The following FSTL4 variants were observed in gnomAD, a reference collection of about 807,000 sequenced individuals.
FSTL4 encodes follistatin-related protein 4.
A neutral mutation model predicts 78.2 loss-of-function variants in FSTL4; 28 were observed. The observed-to-expected ratio is 0.36, with a 90% CI of 0.27 to 0.49. The LOEUF is 0.49. Among genes scored for constraint, FSTL4 ranks in the 20% least tolerant of loss-of-function variants. The pLI is 0.98. For synonymous variants in FSTL4, 422 were observed against 440.5 expected (o/e 0.96, Z 0.53); for missense variants, 922 against 1,084.9 (o/e 0.85, Z 2.11).
chr5:133,512,946 T>C (rs990861772), intron 3 of FSTL4, among the ~76,000 whole-genome samples: 1 of 152,136 alleles, frequency 6.6e-6, no homozygotes, highest in Non-Finnish European at 1.5e-5. Context: ...GCCTCTTGAG[T>C]AGCTGGGACT....
chr5:133,833,423 T>G, the FSTL4 span, among the ~76,000 whole-genome samples: 2 of 152,240 alleles, frequency 1.3e-5, no homozygotes, highest in Non-Finnish European at 2.9e-5. Context: ...ATAAAGAATA[T>G]TAATCTGTTC....
Position 133,611,499 on chromosome 5 carries a change from C to T in FSTL4, c.-11+826G>A, listed in dbSNP as rs1163248532. Reference sequence around the variant, plus strand: ...TCCAGGTCCCTCCTGAAACTCAGAACTCGTCTTTGTTTTGCGGGCGCAAAG... The same window carrying T: ...TCCAGGTCCCTCCTGAAACTCAGAATTCGTCTTTGTTTTGCGGGCGCAAAG... On this transcript the variant is annotated intron_variant, in intron 1 of 15. Coordinates refer to ENST00000265342, the MANE Select transcript of FSTL4 (RefSeq NM_015082.2). This position sits in a 1 kb window ranked among gnomAD's most constrained non-coding sequence, Gnocchi z 4.9. 6.6e-6 allele frequency among the ~76,000 whole-genome samples: 1 copy of T among 152,230 alleles called. No individual in the cohort carries two copies. The highest frequency in any genetic ancestry group is 1.5e-5 in the Non-Finnish European group (1 of 68,046).
chr5:133,499,146 A>G (rs1758434720), intron 3 of FSTL4, among the ~76,000 whole-genome samples: 1 of 152,166 alleles, frequency 6.6e-6, no homozygotes, highest in African/African-American at 2.4e-5. Flanking sequence ...CTGAGTGAAT[A>G]ACAATTCTTC....
chr5:133,468,092 T>C (rs1757750356), intron 3 of FSTL4, among the ~76,000 whole-genome samples: 1 of 152,180 alleles, frequency 6.6e-6, no homozygotes, highest in Admixed American at 6.5e-5. Flanking sequence ...AGGCACCAGG[T>C]GACTTACTTG....
chr5:133,360,077 C>A (rs924951833), intron 4 of FSTL4, among the ~76,000 whole-genome samples: 3 of 152,232 alleles, frequency 2.0e-5, no homozygotes, highest in Admixed American at 6.5e-5. Context: ...AACAGTGGAC[C>A]CTCAGCGTGG....
the FSTL4 span, among the ~76,000 whole-genome samples, chr5:133,795,012 C>T: frequency 1.3e-5 from 2 of 152,286 alleles, no homozygotes; most frequent in South Asian, 4.1e-4. Context: ...AAAAGGTTTT[C>T]ATAACCAGAA....
At chr5:133,326,701 C>T (rs945057534) in intron 4 of FSTL4, among the ~76,000 whole-genome samples, 3 of 152,230 alleles carry the variant, frequency 2.0e-5, no homozygotes, top group Admixed American at 2.0e-4. Context: ...TCCATCCATT[C>T]CAAACCACAC....
At chr5:133,321,959 T>C (rs1274123706) in intron 4 of FSTL4, among the ~76,000 whole-genome samples, 2 of 152,234 alleles carry the variant, frequency 1.3e-5, no homozygotes, top group Admixed American at 6.5e-5. Flanking sequence ...GTCATTTCAG[T>C]GTTTTCTCTG....
the FSTL4 span, among the ~76,000 whole-genome samples, chr5:133,673,280 G>C: frequency 2.6e-5 from 4 of 152,208 alleles, no homozygotes; most frequent in African/African-American, 9.7e-5. Flanking sequence ...TACAGGGCTT[G>C]CTGTGAGTAC....
chr5:133,537,530 T>C (rs1251532798), intron 3 of FSTL4, among the ~76,000 whole-genome samples: 1 of 152,214 alleles, frequency 6.6e-6, no homozygotes, highest in Non-Finnish European at 1.5e-5. Flanking sequence ...CCATATCATT[T>C]GTGAATAATC....
At position 133,440,696 on chromosome 5, in the gene FSTL4, A is replaced by G. The variant is rs577600491; in HGVS notation, c.161-39710T>C. Reference sequence around the variant, plus strand: ...CTGAGAGGCCTGGGAATGTCCAAGCAGGGGGAAGAGAAGACAGTGGAGACT... The same window carrying G: ...CTGAGAGGCCTGGGAATGTCCAAGCGGGGGGAAGAGAAGACAGTGGAGACT... On this transcript the variant is annotated intron_variant, in intron 3 of 15. Coordinates refer to ENST00000265342, the MANE Select transcript of FSTL4 (RefSeq NM_015082.2). The surrounding 1 kb of genome is among the most constrained non-coding windows in gnomAD (Gnocchi z 4.1). 6.6e-6 allele frequency among the ~76,000 whole-genome samples: 1 copy of G among 152,282 alleles called. No individual in the cohort carries two copies. Among genetic ancestry groups the G allele is most frequent in the East Asian group, 1.9e-4 (1 of 5,168 alleles).
chr5:133,355,269 A>G (rs1754916493), intron 4 of FSTL4, among the ~76,000 whole-genome samples: 1 of 152,198 alleles, frequency 6.6e-6, no homozygotes, highest in Admixed American at 6.5e-5. Flanking sequence ...AACAAATAAC[A>G]CTTAGCATGA....
chr5:133,510,215 C>A (rs1020116205), intron 3 of FSTL4, among the ~76,000 whole-genome samples: 1 of 152,156 alleles, frequency 6.6e-6, no homozygotes, highest in East Asian at 1.9e-4. Flanking sequence ...GACAATGGAA[C>A]CTCGTTGCCT....
At chr5:133,537,665 C>T (rs978582100) in intron 3 of FSTL4, among the ~76,000 whole-genome samples, 5 of 151,914 alleles carry the variant, frequency 3.3e-5, no homozygotes, top group African/African-American at 1.2e-4. Context: ...TCATCCTGCT[C>T]ATGTTTATTT....
the FSTL4 span, among the ~76,000 whole-genome samples, chr5:133,769,137 C>T: frequency 6.6e-5 from 10 of 152,326 alleles, no homozygotes; most frequent in African/African-American, 1.2e-4. Context: ...CTTCTTGATT[C>T]GCCCAGGTAC....
intron 3 of FSTL4, among the ~76,000 whole-genome samples, chr5:133,492,550 T>C (rs1405251857): frequency 1.3e-5 from 2 of 152,212 alleles, no homozygotes; most frequent in African/African-American, 4.8e-5. Context: ...CTGGCTTCCA[T>C]TGTTGCTAAT....
the FSTL4 span, among the ~76,000 whole-genome samples, chr5:133,749,981 C>T: frequency 0.018 from 2,723 of 152,286 alleles, 52 homozygotes; most frequent in Middle Eastern, 0.11. Flanking sequence ...CAGAGGGGAA[C>T]AGGCCACAGA....
chr5:133,671,333 T>A, the FSTL4 span, among the ~76,000 whole-genome samples: 1 of 152,208 alleles, frequency 6.6e-6, no homozygotes. Context: ...TATGGTTTGC[T>A]ACACAGCACT....
the FSTL4 span, among the ~76,000 whole-genome samples, chr5:133,645,640 C>T: frequency 7.7e-4 from 117 of 152,156 alleles, no homozygotes; most frequent in African/African-American, 2.6e-3. Context: ...ATGTGATTAA[C>T]GAGTTGGAGA....
Sources: gnomAD v4.1 joint callset for allele counts (sites outside exome capture counted in the v4.1 genomes callset) on GRCh38, gnomAD v4.1.1 for gene constraint, Gnocchi (gnomAD v3.1) non-coding constraint, MANE v1.5 for transcripts, NCBI Gene and HGNC (gene_info 2026-07-23, HGNC 2026-07-21) for gene names.